The following HNF4G variants were observed in gnomAD, a reference collection of about 807,000 sequenced individuals.
HNF4G encodes the protein hepatocyte nuclear factor 4 gamma, also known as hepatocyte nuclear factor 4-gamma.
A neutral mutation model predicts 50.9 loss-of-function variants in HNF4G; 21 were observed. The ratio of observed to expected loss-of-function variants is 0.41; its 90% CI spans 0.29 to 0.59. The LOEUF is 0.59. Ranked by LOEUF, HNF4G falls within the 20% of genes least tolerant of loss-of-function variation. The pLI is 0.26. For synonymous variants in HNF4G, 198 were observed against 185.6 expected (o/e 1.07, Z -0.54); for missense variants, 527 against 559.4 (o/e 0.94, Z 0.58).
intron 2 of HNF4G, among the ~76,000 whole-genome samples, chr8:75,493,140 A>G (rs1812675323): frequency 6.6e-6 from 1 of 152,012 alleles, no homozygotes; most frequent in African/African-American, 2.4e-5. Context: ...ACCTTATTTT[A>G]TATATATTTA....
At chr8:75,491,138 T>A (rs1252257866) in intron 2 of HNF4G, among the ~76,000 whole-genome samples, 1 of 152,178 alleles carries the variant, frequency 6.6e-6, no homozygotes, top group Non-Finnish European at 1.5e-5. Context: ...AAACATCAAC[T>A]TCTACTATGA....
chr8:75,486,249 A>G (rs1812494376), intron 1 of HNF4G, among the ~76,000 whole-genome samples: 1 of 152,220 alleles, frequency 6.6e-6, no homozygotes, highest in Admixed American at 6.5e-5. Context: ...TGTCCCTACG[A>G]TCAGCCTTGG....
upstream of HNF4G, among the ~76,000 whole-genome samples, chr8:75,538,182 C>T (rs931353795): frequency 6.6e-6 from 1 of 152,144 alleles, no homozygotes; most frequent in African/African-American, 2.4e-5. Flanking sequence ...AACTAACATG[C>T]ATGGGGCACA....
At chr8:75,407,941 G>A (rs955165349), upstream of HNF4G, 3 of 152,024 alleles carry the variant, frequency 2.0e-5, no homozygotes, top group African/African-American at 7.2e-5. Context: ...TGCGACTCGG[G>A]AGCTCCGGGA....
rs549886150 is a variant in HNF4G at position 75,553,175 on chromosome 8, G to A, written c.623G>A (p.Cys208Tyr). The change falls in exon 5 of 10, where the codon TGT becomes TAT. Residue 208 changes from cysteine (C) to tyrosine (Y), a missense_variant. Physicochemically the swap from Cys to Tyr is radical, Grantham distance 194. Around this residue, in one of 5 missense-constraint regions of HNF4G, gnomAD observed 308 missense variants for 301.5 expected, o/e 1.02. Transcript: ENST00000396423. ...TGGGCTAAATATATTCCTGCCTTCT[G>A]TGAATTACCATTGGATGATCAGGTA... ...VEWAKYIPAFCELPLDDQVAL... is the reference protein window; with the variant it reads ...VEWAKYIPAFYELPLDDQVAL... 1.2e-6 allele frequency: 2 copies of A among 1,612,650 alleles called. No individual in the cohort carries two copies. Among genetic ancestry groups the A allele is most frequent in the Non-Finnish European group, 1.7e-6 (2 of 1,179,086 alleles).
chr8:75,452,127 G>A (rs1430991290), intron 1 of HNF4G, among the ~76,000 whole-genome samples: 1 of 152,028 alleles, frequency 6.6e-6, no homozygotes, highest in Non-Finnish European at 1.5e-5. Flanking sequence ...ATATGTTAGG[G>A]AACTACTGGA....
chr8:75,506,063 A>G (rs944186687), intron 2 of HNF4G, among the ~76,000 whole-genome samples: 6 of 151,994 alleles, frequency 3.9e-5, no homozygotes, highest in African/African-American at 7.2e-5. Context: ...AAATCTGGGT[A>G]CACTTTTTAA....
chr8:75,485,099 T>C (rs1010050103), intron 1 of HNF4G, among the ~76,000 whole-genome samples: 18 of 152,366 alleles, frequency 1.2e-4, no homozygotes, highest in African/African-American at 3.6e-4. Flanking sequence ...CAAATCTTTA[T>C]ATTAATTTGT....
At chr8:75,416,064 C>T (rs1220383499) in intron 1 of HNF4G, among the ~76,000 whole-genome samples, 1 of 152,054 alleles carries the variant, frequency 6.6e-6, no homozygotes, top group African/African-American at 2.4e-5. Context: ...TTATTTGTAA[C>T]CTGACCCTAG....
intron 2 of HNF4G, among the ~76,000 whole-genome samples, chr8:75,516,250 A>G (rs1425888118): frequency 6.6e-6 from 1 of 152,142 alleles, no homozygotes; most frequent in Non-Finnish European, 1.5e-5. Context: ...TTTAGCTTTA[A>G]CCCAGAATTT....
chr8:75,480,722 T>TC lies in HNF4G; in HGVS notation c.-143-9367_-143-9366insC, dbSNP rs201055520. On this transcript the variant is annotated intron_variant, in intron 1 of 10. Coordinates refer to the HNF4G transcript ENST00000354370. ...TCTCATTTCTTTTTCTTTTTCTTTC[T>TC]TTTTTTTTTTTTTTGAGACAGAATC... Among the ~76,000 whole-genome samples the TC allele has an allele frequency of 4.5e-3, 370 of 82,046 alleles. 5 individuals carry two copies. Among genetic ancestry groups the TC allele is most frequent in the African/African-American group, 9.9e-3 (142 of 14,326 alleles). The allele number at this position is 82,046 out of a possible 152,430, so 53.8% of individuals were successfully genotyped here.
At chr8:75,463,064 T>TG (rs1264696706) in intron 1 of HNF4G, among the ~76,000 whole-genome samples, 10 of 147,088 alleles carry the variant, frequency 6.8e-5, no homozygotes, top group African/African-American at 2.4e-4. Context: ...GCTTGTTTTT[T>TG]TGTTTTTTTT....
intron 2 of HNF4G, among the ~76,000 whole-genome samples, chr8:75,495,787 C>G (rs71529216): frequency 0.05 from 7,593 of 152,066 alleles, 261 homozygotes; most frequent in Non-Finnish European, 0.072. Flanking sequence ...ATCTGCCCGC[C>G]TTGGCACTTT....
At chr8:75,560,273 C>T (rs1328428681) in intron 8 of HNF4G, 71 bp from the exon 9 acceptor site, 38 of 1,523,028 alleles carry the variant, frequency 2.5e-5, no homozygotes, top group Non-Finnish European at 3.1e-5. Context: ...TCAATCAAAA[C>T]ATTTGTTTCA....
chr8:75,440,945 C>A (rs778001505), intron 1 of HNF4G, among the ~76,000 whole-genome samples: 5 of 152,206 alleles, frequency 3.3e-5, no homozygotes, highest in Non-Finnish European at 7.4e-5. Context: ...GCAGCCTCAA[C>A]CTCTTGGGCT....
At chr8:75,547,393 A>C (rs928760103) in intron 2 of HNF4G, among the ~76,000 whole-genome samples, 194 bp from the exon 3 acceptor site, 1 of 152,240 alleles carries the variant, frequency 6.6e-6, no homozygotes, top group African/African-American at 2.4e-5. Flanking sequence ...TACTATAAAG[A>C]CTAAGTGAGA....
chr8:75,480,190 T>C (rs112603282), intron 1 of HNF4G, among the ~76,000 whole-genome samples: 5,682 of 152,294 alleles, frequency 0.037, 133 homozygotes, highest in South Asian at 0.055. Flanking sequence ...AAAAGTTTAA[T>C]AAGATTAACT....
chr8:75,446,995 C>G lies in HNF4G; in HGVS notation c.-144+38833C>G, dbSNP rs1051731475. Among the ~76,000 whole-genome samples the G allele has an allele frequency of 1.1e-3, 165 of 146,200 alleles. 1 individual carries two copies. The highest frequency in any genetic ancestry group is 1.8e-3 in the South Asian group (8 of 4,546). On this transcript the variant is annotated intron_variant, in intron 1 of 10. Coordinates refer to the HNF4G transcript ENST00000354370. ...CCAAGCCAATCCTAAGCCAAAAGAA[C>G]AAAGCTGGAGGCATCACACTACCTG...
chr8:75,462,743 G>A (rs1563516212), intron 1 of HNF4G, among the ~76,000 whole-genome samples: 1 of 151,984 alleles, frequency 6.6e-6, no homozygotes, highest in Non-Finnish European at 1.5e-5. Context: ...GAAAAATTCT[G>A]GCTTCATCAT....
Sources: gnomAD v4.1 joint callset for allele counts (sites outside exome capture counted in the v4.1 genomes callset) on GRCh38, gnomAD v4.1.1 for gene constraint, gnomAD v4.1.1 regional missense constraint, MANE v1.5 for transcripts, NCBI Gene and HGNC (gene_info 2026-07-23, HGNC 2026-07-21) for gene names.